CCBE1: variants seen among roughly 807,000 people sequenced by gnomAD.
CCBE1 encodes the protein collagen and calcium-binding EGF domain-containing protein 1.
CCBE1 carries 37 observed loss-of-function variants against 50.0 expected under a neutral mutation model. The ratio of observed to expected loss-of-function variants is 0.74; its 90% CI spans 0.57 to 0.97. The LOEUF (loss-of-function observed/expected upper bound fraction) is 0.97, where lower values mean the gene tolerates loss of function less well. CCBE1 is among the 50% of genes least tolerant of loss of function. CCBE1 has a pLI of 0.00. For synonymous variants in CCBE1, 234 were observed against 203.7 expected (o/e 1.15, Z -1.27); for missense variants, 538 against 523.8 (o/e 1.03, Z -0.26).
intron 2 of CCBE1, among the ~76,000 whole-genome samples, chr18:59,642,279 T>G (rs1006528428): frequency 6.6e-6 from 1 of 152,102 alleles, no homozygotes; most frequent in East Asian, 1.9e-4. Context: ...AAATGCAAAT[T>G]AAAACTCCAA....
chr18:59,582,454 A>G (rs564432085), intron 2 of CCBE1, among the ~76,000 whole-genome samples: 11 of 152,344 alleles, frequency 7.2e-5, no homozygotes, highest in African/African-American at 2.4e-4. Flanking sequence ...GTACGTGACA[A>G]GAAAAAGCTG....
intron 2 of CCBE1, among the ~76,000 whole-genome samples, chr18:59,584,730 G>C (rs941100671): frequency 2.0e-5 from 3 of 152,134 alleles, no homozygotes; most frequent in Non-Finnish European, 4.4e-5. Context: ...TCCACCACAA[G>C]TAAAAGTTTC....
chr18:59,685,139 T>C (rs1314830802), intron 2 of CCBE1, among the ~76,000 whole-genome samples: 8 of 151,222 alleles, frequency 5.3e-5, no homozygotes, highest in Non-Finnish European at 1.0e-4. Flanking sequence ...GCAAAATATA[T>C]TTTTTTTAAT....
At chr18:59,541,373 G>A (rs929308604) in intron 2 of CCBE1, among the ~76,000 whole-genome samples, 3 of 152,070 alleles carry the variant, frequency 2.0e-5, no homozygotes, top group Admixed American at 6.6e-5. Context: ...ACCAAACATA[G>A]GCAAAAAATT....
At chr18:59,493,893 T>C (rs972937368) in intron 2 of CCBE1, among the ~76,000 whole-genome samples, 9 of 152,176 alleles carry the variant, frequency 5.9e-5, no homozygotes, top group Non-Finnish European at 1.3e-4. Flanking sequence ...ATAAATCCCA[T>C]GAGATCTGAT....
chr18:59,576,832 A>G (rs1195505783), intron 2 of CCBE1, among the ~76,000 whole-genome samples: 5 of 152,166 alleles, frequency 3.3e-5, no homozygotes, highest in Admixed American at 2.6e-4. Context: ...GCCTTTCCCT[A>G]AAGATCTGTT....
intron 2 of CCBE1, among the ~76,000 whole-genome samples, chr18:59,589,790 C>CAAAA (rs752546235): frequency 7.2e-3 from 511 of 70,896 alleles, no homozygotes; most frequent in South Asian, 0.019. Context: ...GACTCCATCT[C>CAAAA]AAAAAAAAAA....
rs1358508660 is a variant in CCBE1, at chr18:59,697,331, C to T, written c.12G>A (p.Pro4=). 3 of 1,547,774 alleles carry T rather than the reference C, an allele frequency of 1.9e-6. No individual in the cohort carries two copies. Among genetic ancestry groups the T allele is most frequent in the Admixed American group, 3.9e-5 (2 of 51,078 alleles). The change falls in exon 1 of 11, where the codon CCG becomes CCA. Residue 4 remains proline (P), a synonymous_variant. Coordinates refer to ENST00000439986, the MANE Select transcript of CCBE1 (RefSeq NM_133459.4). MVP[P]PPSRGGAARG... Reference sequence around the variant, plus strand: ...TGGCAGCTCCTCCCCGGCTCGGAGGCGGCGGCACCATCAGGGAAGCTCCCG... The same window carrying T: ...TGGCAGCTCCTCCCCGGCTCGGAGGTGGCGGCACCATCAGGGAAGCTCCCG...
intron 2 of CCBE1, among the ~76,000 whole-genome samples, chr18:59,668,190 C>T (rs1315886213): frequency 6.6e-5 from 10 of 152,094 alleles, no homozygotes; most frequent in South Asian, 4.2e-4. Context: ...GAGGCTGAGG[C>T]GGGTGGATCA....
At position 59,697,324 on chromosome 18, in the gene CCBE1, T is replaced by C; in HGVS notation, c.19A>G (p.Ser7Gly). 6.5e-7 allele frequency: 1 copy of C among 1,548,236 alleles called. No homozygotes were observed. The highest frequency in any genetic ancestry group is 1.2e-5 in the South Asian group (1 of 83,974). Reference sequence around the variant, plus strand: ...TGGCCCCTGGCAGCTCCTCCCCGGCTCGGAGGCGGCGGCACCATCAGGGAA... The same window carrying C: ...TGGCCCCTGGCAGCTCCTCCCCGGCCCGGAGGCGGCGGCACCATCAGGGAA... MVPPPP[S>G]RGGAARGQLG... Residue 7 changes from serine to glycine, a missense_variant, in exon 1 of 11, where the codon AGC becomes GGC. Ser to Gly is a moderately conservative substitution (Grantham distance 56). Transcript: ENST00000439986.
At position 59,508,711 on chromosome 18, in the gene CCBE1, C is replaced by T. The variant is rs201792319; in HGVS notation, c.213-28473G>A. 2.5e-3 allele frequency among the ~76,000 whole-genome samples: 240 copies of T among 95,682 alleles called. 2 individuals are homozygous for T. Among genetic ancestry groups the T allele is most frequent in the African/African-American group, 9.3e-3 (206 of 22,086 alleles). The allele number at this position is 95,682 out of a possible 152,430, so 62.8% of individuals were successfully genotyped here. ...AGCACAGTACACACATAGAGTTACG[C>T]TTTTTTTTTTTTTTTTTTTTTTGAG... is the stretch of plus-strand genomic sequence containing the variant. On this transcript the variant is annotated intron_variant, in intron 2 of 10. Coordinates refer to ENST00000439986, the MANE Select transcript of CCBE1 (RefSeq NM_133459.4).
intron 2 of CCBE1, 84 bp from the exon 3 acceptor site, chr18:59,480,322 C>A: frequency 1.8e-6 from 2 of 1,089,464 alleles, no homozygotes; most frequent in African/African-American, 1.6e-5. Flanking sequence ...AATGAAATAA[C>A]TTGTGCCCAG....
Position 59,697,310 on chromosome 18 carries a change from A to T in CCBE1, c.33T>A (p.Ala11=), listed in dbSNP as rs775045988. 20 of 1,548,862 alleles carry T rather than the reference A, an allele frequency of 1.3e-5. No homozygotes were observed. In the Admixed American group the frequency reaches 3.9e-4, roughly 30 times the overall value. The part of the protein sequence containing the change: MVPPPPSRGG[A]ARGQLGRSLG... ...GGCTCCTGCCCAGCTGGCCCCTGGC[A>T]GCTCCTCCCCGGCTCGGAGGCGGCG... The change falls in exon 1 of 11, where the codon GCT becomes GCA. Residue 11 remains alanine, a synonymous_variant. Transcript: ENST00000439986.
rs1173700959 is a variant in CCBE1 at position 59,437,974 on chromosome 18, CCA to C, written c.987+135_987+136del. The C allele has an allele frequency of 2.5e-4, 177 of 717,782 alleles. No homozygotes were observed. The East Asian group carries it at 4.6e-3, about 19-fold the overall frequency. The allele number at this position is 717,782 out of a possible 1,614,324, so 44.5% of individuals were successfully genotyped here. ...AGGGCTTCTATGACTCTCTTCCTAACCACAGAGTTCTGTTCAGGTGGGCTGAG... is the reference window on the plus strand; with the variant it reads ...AGGGCTTCTATGACTCTCTTCCTAACCAGAGTTCTGTTCAGGTGGGCTGAG... On this transcript the variant is annotated intron_variant, in intron 10 of 10. Coordinates refer to ENST00000439986, the MANE Select transcript of CCBE1 (RefSeq NM_133459.4).
intron 2 of CCBE1, among the ~76,000 whole-genome samples, chr18:59,629,275 C>T (rs1230565973): frequency 6.6e-6 from 1 of 152,234 alleles, no homozygotes; most frequent in Non-Finnish European, 1.5e-5. Flanking sequence ...TATCATGTAA[C>T]TGACTCCCTC....
At chr18:59,668,025 T>TA (rs2054379157) in intron 2 of CCBE1, among the ~76,000 whole-genome samples, 1 of 152,222 alleles carries the variant, frequency 6.6e-6, no homozygotes, top group South Asian at 2.1e-4. Flanking sequence ...TACATAAATG[T>TA]AGATGACAGG....
At position 59,587,098 on chromosome 18, in the gene CCBE1, G is replaced by A. The variant is rs566560389; in HGVS notation, c.213-106860C>T. 2.0e-5 allele frequency among the ~76,000 whole-genome samples: 3 copies of A among 152,318 alleles called. No homozygotes were observed. In the South Asian group the frequency reaches 6.2e-4, roughly 32 times the overall value. On this transcript the variant is annotated intron_variant, in intron 2 of 10. Transcript: ENST00000439986. Reference sequence around the variant, plus strand: ...AGGAAGAATTGAAGATGACTTCACTGGTAAGTTCTACCAATGTGCACAGAA... The same window carrying A: ...AGGAAGAATTGAAGATGACTTCACTAGTAAGTTCTACCAATGTGCACAGAA...
intron 2 of CCBE1, among the ~76,000 whole-genome samples, chr18:59,656,476 T>C (rs1301841404): frequency 6.6e-6 from 1 of 152,184 alleles, no homozygotes; most frequent in African/African-American, 2.4e-5. Context: ...GTTTGCAATA[T>C]ATTTTAAGTG....
chr18:59,677,222 C>A (rs554398587), intron 2 of CCBE1, among the ~76,000 whole-genome samples: 1 of 152,166 alleles, frequency 6.6e-6, no homozygotes, highest in Non-Finnish European at 1.5e-5. Flanking sequence ...GAGAGATAGC[C>A]CAAAAAGTCC....
Sources: gnomAD v4.1 joint callset for allele counts (sites outside exome capture counted in the v4.1 genomes callset) on GRCh38, gnomAD v4.1.1 for gene constraint, MANE v1.5 for transcripts, NCBI Gene and HGNC (gene_info 2026-07-23, HGNC 2026-07-21) for gene names.